Variants in CLVS1 observed in about 807,000 individuals in gnomAD.
The protein encoded by CLVS1 is clavesin-1.
A neutral mutation model predicts 33.1 loss-of-function variants in CLVS1; 10 were observed. That is an observed-to-expected ratio of 0.30 (90% confidence interval 0.19 to 0.51). The LOEUF is 0.51. CLVS1 is among the 20% of genes least tolerant of loss of function. CLVS1 has a pLI of 0.97. For missense variants in CLVS1, 343 were observed against 433.4 expected (o/e 0.79, Z 1.85); for synonymous variants, 163 against 166.1 (o/e 0.98, Z 0.14).
chr8:61,443,806 GCATTAAACCTGTTTA>G (rs1816656382), intron 3 of CLVS1, among the ~76,000 whole-genome samples: 1 of 151,984 alleles, frequency 6.6e-6, no homozygotes, highest in African/African-American at 2.4e-5. Flanking sequence ...GATGGATGTT[GCATTAAACCTGTTTA>G]CCAATTTGAG....
intron 3 of CLVS1, among the ~76,000 whole-genome samples, chr8:61,422,266 A>C (rs115702466): frequency 0.011 from 1,610 of 152,328 alleles, 32 homozygotes; most frequent in African/African-American, 0.037. Flanking sequence ...TGGAGATTAC[A>C]CATCTGCTAA....
chr8:61,265,956 C>T (rs1305396641), intron 2 of CLVS1, among the ~76,000 whole-genome samples: 1 of 152,184 alleles, frequency 6.6e-6, no homozygotes, highest in Non-Finnish European at 1.5e-5. Flanking sequence ...CCAGCCATTG[C>T]CTGCCATTGT....
intron 1 of CLVS1, among the ~76,000 whole-genome samples, chr8:61,079,973 G>A (rs1804992323): frequency 6.6e-6 from 1 of 152,186 alleles, no homozygotes; most frequent in Admixed American, 6.5e-5. Context: ...GATTATTATT[G>A]AAGCTGTGTT....
intron 1 of CLVS1, among the ~76,000 whole-genome samples, chr8:61,099,460 G>T (rs543411415): frequency 3.3e-5 from 5 of 152,224 alleles, no homozygotes; most frequent in Non-Finnish European, 7.4e-5. Context: ...TCATTGGCTG[G>T]ATTTAAGTAA....
At chr8:61,311,974 A>G (rs893327862) in intron 2 of CLVS1, among the ~76,000 whole-genome samples, 5 of 152,222 alleles carry the variant, frequency 3.3e-5, no homozygotes, top group African/African-American at 1.2e-4. Context: ...TGTTGCCTGT[A>G]TGCTACATTC....
At chr8:61,117,691 T>C (rs2129289230) in intron 1 of CLVS1, among the ~76,000 whole-genome samples, 1 of 152,274 alleles carries the variant, frequency 6.6e-6, no homozygotes, top group East Asian at 1.9e-4. Context: ...TTTGCGTATA[T>C]TGAACCAGCC....
At chr8:61,238,850 C>T (rs964884698) in intron 2 of CLVS1, among the ~76,000 whole-genome samples, 1 of 152,188 alleles carries the variant, frequency 6.6e-6, no homozygotes, top group Non-Finnish European at 1.5e-5. Flanking sequence ...TATCTTTAAA[C>T]ATCAATCTTG....
intron 2 of CLVS1, among the ~76,000 whole-genome samples, chr8:61,273,594 C>T (rs1311173832): frequency 6.6e-6 from 1 of 152,244 alleles, no homozygotes; most frequent in Non-Finnish European, 1.5e-5. Flanking sequence ...CCCAGCCTTG[C>T]TGCCACCTTG....
chr8:61,324,448 A>T (rs1811307217), intron 2 of CLVS1, among the ~76,000 whole-genome samples: 1 of 152,080 alleles, frequency 6.6e-6, no homozygotes, highest in South Asian at 2.1e-4. Flanking sequence ...CCAATTAAAC[A>T]TCCTTTTCTT....
intron 2 of CLVS1, among the ~76,000 whole-genome samples, chr8:61,150,983 T>TG (rs1411111974): frequency 6.6e-6 from 1 of 152,178 alleles, no homozygotes; most frequent in African/African-American, 2.4e-5. Flanking sequence ...AGGGACATTC[T>TG]GGGGGCCTGT....
chr8:61,195,946 C>T (rs1202786548), intron 2 of CLVS1, among the ~76,000 whole-genome samples: 1 of 152,068 alleles, frequency 6.6e-6, no homozygotes, highest in Non-Finnish European at 1.5e-5. Flanking sequence ...CACTATCTTA[C>T]AGAGTTGTTT....
intron 1 of CLVS1, among the ~76,000 whole-genome samples, chr8:61,113,635 A>C (rs1392860712): frequency 1.3e-5 from 2 of 152,190 alleles, no homozygotes; most frequent in Non-Finnish European, 2.9e-5. Context: ...GTTTTTCAAG[A>C]ATGCAAGTTT....
At chr8:61,300,784 T>C (rs1364646948) in intron 2 of CLVS1, 1 of 152,750 alleles carries the variant, frequency 6.5e-6, no homozygotes, top group Non-Finnish European at 1.5e-5. Context: ...AAACTTGACC[T>C]ATCCCAAACT....
At chr8:61,311,471 C>A (rs115227941) in intron 2 of CLVS1, among the ~76,000 whole-genome samples, 60 of 152,284 alleles carry the variant, frequency 3.9e-4, no homozygotes, top group African/African-American at 1.2e-3. Context: ...AGCCATCTTT[C>A]CCACAGATTG....
rs116398309 is a variant in CLVS1, at chr8:61,410,425, C to T, written c.630+33646C>T. On this transcript the variant is annotated intron_variant, in intron 3 of 5. Transcript: ENST00000325897. The stretch of plus-strand genomic sequence containing the variant: ...AGGTTTAAAAATAAGTTGTAACATC[C>T]GGTAGATCGACTTTCTTTACATAAT... 8.0e-3 allele frequency among the ~76,000 whole-genome samples: 1,224 copies of T among 152,146 alleles called. 18 individuals are homozygous for T. Among genetic ancestry groups the T allele is most frequent in the African/African-American group, 0.027 (1,124 of 41,504 alleles).
intron 3 of CLVS1, among the ~76,000 whole-genome samples, chr8:61,389,281 T>C (rs1052852761): frequency 1.3e-5 from 2 of 152,206 alleles, no homozygotes; most frequent in Non-Finnish European, 2.9e-5. Context: ...GGCTCACACC[T>C]GTAATCCCAG....
rs1046417668 is a variant in CLVS1, at chr8:61,487,750, A to G, written c.978-11705A>G. ...AATTTATATTTAGGCTAATCTGGCAATGCCAAAGAAGATCCACTAATATAC... is the reference window on the plus strand; with the variant it reads ...AATTTATATTTAGGCTAATCTGGCAGTGCCAAAGAAGATCCACTAATATAC... On this transcript the variant is annotated intron_variant, in intron 5 of 5. Transcript: ENST00000325897. Among the ~76,000 whole-genome samples the G allele has an allele frequency of 3.3e-5, 5 of 152,248 alleles. No individual in the cohort carries two copies. The South Asian group carries it at 6.2e-4, about 19-fold the overall frequency.
chr8:60,990,196 GA>G, the CLVS1 span, among the ~76,000 whole-genome samples: 1 of 141,406 alleles, frequency 7.1e-6, no homozygotes, highest in African/African-American at 2.6e-5. Flanking sequence ...TAAGAACTAT[GA>G]ACACAATGTT....
At chr8:61,262,072 A>G (rs1019494583) in intron 2 of CLVS1, among the ~76,000 whole-genome samples, 3 of 150,562 alleles carry the variant, frequency 2.0e-5, no homozygotes, top group Non-Finnish European at 4.4e-5. Context: ...TTGGAATGCA[A>G]TGTTGCAATC....
Sources: allele counts gnomAD v4.1 joint callset (sites outside exome capture counted in the v4.1 genomes callset), GRCh38; gene constraint gnomAD v4.1.1; transcripts MANE v1.5; gene names NCBI Gene and HGNC (gene_info 2026-07-23, HGNC 2026-07-21).